The following IPO11 variants were observed in gnomAD, a reference collection of about 807,000 sequenced individuals.
IPO11 encodes the protein importin 11.
Under a neutral mutation model 143.2 loss-of-function variants are expected in IPO11, and 66 were observed. The ratio of observed to expected loss-of-function variants is 0.46; its 90% CI spans 0.38 to 0.57. The LOEUF is 0.57. Among genes scored for constraint, IPO11 ranks in the 20% least tolerant of loss-of-function variants. The pLI, the probability that IPO11 is intolerant of heterozygous loss-of-function variation, is 0.00. For missense variants in IPO11, 1,026 were observed against 1,141.0 expected (o/e 0.90, Z 1.45); for synonymous variants, 385 against 377.8 (o/e 1.02, Z -0.22).
At chr5:62,480,462 T>C (rs1184496548) in intron 9 of IPO11, among the ~76,000 whole-genome samples, 1 of 152,192 alleles carries the variant, frequency 6.6e-6, no homozygotes, top group East Asian at 1.9e-4. Flanking sequence ...GTAGTTTTTT[T>C]CCAATTCTGT....
At chr5:62,450,869 G>A (rs745601380) in intron 4 of IPO11, among the ~76,000 whole-genome samples, 7 of 151,976 alleles carry the variant, frequency 4.6e-5, no homozygotes, top group Non-Finnish European at 7.4e-5. Flanking sequence ...ATAATACTTG[G>A]TTATGCTTGA....
At chr5:62,542,794 A>G (rs1743009571) in intron 24 of IPO11, among the ~76,000 whole-genome samples, 1 of 148,710 alleles carries the variant, frequency 6.7e-6, no homozygotes, top group South Asian at 2.2e-4. Context: ...AAATTTGTCA[A>G]TATTACAGCC....
chr5:62,432,928 T>G (rs1319118352), intron 1 of IPO11, among the ~76,000 whole-genome samples: 1 of 152,240 alleles, frequency 6.6e-6, no homozygotes, highest in Non-Finnish European at 1.5e-5. Flanking sequence ...GATGGATTTC[T>G]TTATTTTAAA....
intron 16 of IPO11, among the ~76,000 whole-genome samples, chr5:62,496,146 G>A (rs1162767645): frequency 6.6e-6 from 1 of 151,978 alleles, no homozygotes; most frequent in Non-Finnish European, 1.5e-5. Flanking sequence ...AAATTAGCTG[G>A]GCATGGTGGC....
intron 23 of IPO11, 53 bp downstream of exon 23, chr5:62,536,834 T>A: frequency 7.2e-7 from 1 of 1,384,970 alleles, no homozygotes; most frequent in Non-Finnish European, 9.4e-7. Flanking sequence ...TTATTTTGAT[T>A]ATTATTTGAA....
intron 26 of IPO11, 53 bp downstream of exon 26, chr5:62,551,389 G>T: frequency 2.1e-6 from 2 of 957,242 alleles, no homozygotes; most frequent in Non-Finnish European, 3.3e-6. Context: ...ATATAAATTA[G>T]AAATAGTTTG....
chr5:62,578,578 T>TAA, intron 27 of IPO11: 1 of 351,824 alleles, frequency 2.8e-6, no homozygotes, highest in Non-Finnish European at 5.5e-6. Context: ...ATTATTTTTA[T>TAA]ATTATAGGAG....
At position 62,467,127 on chromosome 5, in the gene IPO11, G is replaced by T; in HGVS notation, c.517-4G>T. 6.2e-7 allele frequency: 1 copy of T among 1,604,358 alleles called. No homozygotes were observed. Among genetic ancestry groups the T allele is most frequent in the African/African-American group, 1.3e-5 (1 of 74,338 alleles). On this transcript the variant is annotated splice_region_variant and splice_polypyrimidine_tract_variant and intron_variant, in intron 5 of 29. Transcript: ENST00000325324. ...TGAATAAATTTGTTGCCTTTTCTTT[G>T]CAGTTAGCTTCTGGAATTTATAATT...
intron 24 of IPO11, among the ~76,000 whole-genome samples, chr5:62,538,359 C>T (rs1360675464): frequency 1.3e-5 from 2 of 152,192 alleles, no homozygotes; most frequent in South Asian, 4.1e-4. Context: ...TGTGTCCCCA[C>T]CCAAATCACC....
intron 5 of IPO11, among the ~76,000 whole-genome samples, chr5:62,463,615 G>T (rs1580208361): frequency 6.6e-6 from 1 of 151,658 alleles, no homozygotes; most frequent in East Asian, 2.0e-4. Context: ...AGGCTGCAGT[G>T]AGCCGTGATT....
chr5:62,419,251 A>T (rs1743412627), intron 1 of IPO11: 1 of 1,050,358 alleles, frequency 9.5e-7, no homozygotes, highest in Non-Finnish European at 1.3e-6. Context: ...AGGACTGGAA[A>T]TTGGTTTGGA....
intron 29 of IPO11, among the ~76,000 whole-genome samples, chr5:62,618,189 A>T (rs1746212892): frequency 1.3e-5 from 2 of 152,176 alleles, no homozygotes; most frequent in Admixed American, 6.5e-5. Context: ...GGTATTACAC[A>T]AAGGTTGAGA....
chr5:62,452,766 A>G (rs924103889), intron 5 of IPO11, among the ~76,000 whole-genome samples: 1 of 140,278 alleles, frequency 7.1e-6, no homozygotes, highest in Non-Finnish European at 1.5e-5. Flanking sequence ...GTGTGCACGC[A>G]TTTTGAGACG....
In IPO11 at chr5:62,610,041, A is replaced by G. The variant is rs115456705; in HGVS notation, c.2763+8193A>G. ...CTCTCAGGAGGGAATAACAGCAGTCATGGGTGAGGCAACAACCAGTTGTTG... is the reference window on the plus strand; with the variant it reads ...CTCTCAGGAGGGAATAACAGCAGTCGTGGGTGAGGCAACAACCAGTTGTTG... On this transcript the variant is annotated intron_variant, in intron 29 of 29. Coordinates refer to ENST00000325324, the MANE Select transcript of IPO11 (RefSeq NM_016338.5). 9.9e-4 allele frequency among the ~76,000 whole-genome samples: 151 copies of G among 152,346 alleles called. 1 individual carries two copies. The highest frequency in any genetic ancestry group is 2.4e-3 in the African/African-American group (101 of 41,582).
intron 1 of IPO11, among the ~76,000 whole-genome samples, chr5:62,422,058 A>G (rs1228542350): frequency 6.6e-6 from 1 of 152,200 alleles, no homozygotes; most frequent in Non-Finnish European, 1.5e-5. Flanking sequence ...TGTTATCTCT[A>G]TTCAGTGCCT....
chr5:62,546,061 C>G (rs1743163784), intron 24 of IPO11, among the ~76,000 whole-genome samples: 2 of 152,172 alleles, frequency 1.3e-5, no homozygotes. Flanking sequence ...GGATCTAGAA[C>G]TAGAAATACC....
chr5:62,622,892 C>G (rs181436745), intron 29 of IPO11, among the ~76,000 whole-genome samples: 1 of 152,338 alleles, frequency 6.6e-6, no homozygotes, highest in East Asian at 1.9e-4. Flanking sequence ...CCTTTACTTA[C>G]AAGCTGGTCA....
intron 21 of IPO11, among the ~76,000 whole-genome samples, chr5:62,527,403 G>A (rs1561349352): frequency 6.6e-6 from 1 of 152,190 alleles, no homozygotes; most frequent in Non-Finnish European, 1.5e-5. Context: ...AGGTATGGCT[G>A]TGCGCCAATT....
intron 29 of IPO11, among the ~76,000 whole-genome samples, chr5:62,605,183 G>A (rs967223751): frequency 1.3e-5 from 2 of 152,116 alleles, no homozygotes; most frequent in Admixed American, 6.5e-5. Context: ...AATTTGATTC[G>A]CTTACTGTCA....
Sources: allele counts gnomAD v4.1 joint callset (sites outside exome capture counted in the v4.1 genomes callset), GRCh38; gene constraint gnomAD v4.1.1; transcripts MANE v1.5; gene names NCBI Gene and HGNC (gene_info 2026-07-23, HGNC 2026-07-21).